The following PRKG1 variants were observed in gnomAD, a reference collection of about 807,000 sequenced individuals.
The protein encoded by PRKG1 is protein kinase cGMP-dependent 1, also known as cGMP-dependent protein kinase 1.
Under a neutral mutation model 88.1 loss-of-function variants are expected in PRKG1, and 35 were observed. The ratio of observed to expected loss-of-function variants is 0.40; its 90% CI spans 0.30 to 0.53. The LOEUF is 0.53. PRKG1 is among the 20% of genes least tolerant of loss of function. The pLI is 0.59. For synonymous variants in PRKG1, 303 were observed against 292.5 expected (o/e 1.04, Z -0.37); for missense variants, 540 against 839.8 (o/e 0.64, Z 4.41).
intron 5 of PRKG1, among the ~76,000 whole-genome samples, chr10:52,048,999 T>C (rs1845926189): frequency 6.6e-6 from 1 of 152,068 alleles, no homozygotes; most frequent in Non-Finnish European, 1.5e-5. Context: ...GAGTCACAGA[T>C]AGCAAGCAAA....
At chr10:51,154,921 A>G (rs1446558640) in intron 2 of PRKG1, among the ~76,000 whole-genome samples, 1 of 152,064 alleles carries the variant, frequency 6.6e-6, no homozygotes, top group Non-Finnish European at 1.5e-5. Context: ...GAGGTCAAGT[A>G]TAGAATATAA....
intron 2 of PRKG1, among the ~76,000 whole-genome samples, chr10:51,192,618 A>G (rs913243267): frequency 2.0e-5 from 3 of 152,026 alleles, no homozygotes; most frequent in Non-Finnish European, 4.4e-5. Context: ...TTTTATTGCA[A>G]TAAAAGAAAA....
chr10:51,979,410 GT>G (rs61150252), intron 5 of PRKG1, among the ~76,000 whole-genome samples: 48 of 47,054 alleles, frequency 1.0e-3, no homozygotes, highest in African/African-American at 3.9e-3. Context: ...ATATTGGTCT[GT>G]TTTTTTTTTT....
rs1346734616 is a variant in PRKG1, at chr10:51,577,554, A to C, written c.592+109718A>C. Among the ~76,000 whole-genome samples, 5 of 152,070 alleles carry C rather than the reference A, an allele frequency of 3.3e-5. No individual in the cohort carries two copies. The East Asian group carries it at 7.7e-4, about 23-fold the overall frequency. On this transcript the variant is annotated intron_variant, in intron 3 of 17. Transcript: ENST00000373980. ...CAGTATTGAAATTGCATCATGATAG[A>C]GGATCTAGATAAGTAGTTTTGAATA...
At chr10:51,390,679 A>G (rs1837372279) in intron 2 of PRKG1, among the ~76,000 whole-genome samples, 1 of 152,216 alleles carries the variant, frequency 6.6e-6, no homozygotes, top group Admixed American at 6.5e-5. Context: ...CTTCTTCCTT[A>G]TAACAACAGG....
chr10:51,264,888 A>T (rs1172417295), intron 2 of PRKG1, among the ~76,000 whole-genome samples: 1 of 152,170 alleles, frequency 6.6e-6, no homozygotes, highest in Non-Finnish European at 1.5e-5. Flanking sequence ...ATGTCTTAAA[A>T]TTATTTTCAG....
chr10:51,990,018 A>T (rs1195718302), intron 5 of PRKG1, among the ~76,000 whole-genome samples: 1 of 152,030 alleles, frequency 6.6e-6, no homozygotes, highest in African/African-American at 2.4e-5. Context: ...GTGTGAGAAT[A>T]GGGTCTAATT....
At chr10:52,067,234 C>A (rs1355140851) in intron 7 of PRKG1, among the ~76,000 whole-genome samples, 1 of 152,176 alleles carries the variant, frequency 6.6e-6, no homozygotes, top group Non-Finnish European at 1.5e-5. Flanking sequence ...GTAGAGCCAG[C>A]ATTCTCTGTA....
chr10:51,841,704 A>G (rs567408427), intron 4 of PRKG1, among the ~76,000 whole-genome samples: 3 of 151,962 alleles, frequency 2.0e-5, no homozygotes, highest in African/African-American at 7.2e-5. Context: ...CATTTTTGAT[A>G]CAGAGTCTCG....
intron 2 of PRKG1, among the ~76,000 whole-genome samples, chr10:51,263,822 A>G (rs1042883673): frequency 1.3e-5 from 2 of 152,210 alleles, no homozygotes; most frequent in African/African-American, 4.8e-5. Context: ...TAGAGTTGAA[A>G]GAGAAGAGTT....
At chr10:52,175,302 CACAA>C (rs1352220907) in intron 9 of PRKG1, among the ~76,000 whole-genome samples, 1 of 151,958 alleles carries the variant, frequency 6.6e-6, no homozygotes, top group Non-Finnish European at 1.5e-5. Flanking sequence ...TCTATATCGC[CACAA>C]ACAACAGAAT....
intron 2 of PRKG1, among the ~76,000 whole-genome samples, chr10:51,421,957 A>G (rs1838428051): frequency 6.6e-6 from 1 of 152,196 alleles, no homozygotes; most frequent in Admixed American, 6.5e-5. Flanking sequence ...TGGAGATTGG[A>G]CCAAATGTCT....
At chr10:51,586,727 T>C (rs1838183271) in intron 3 of PRKG1, among the ~76,000 whole-genome samples, 3 of 152,138 alleles carry the variant, frequency 2.0e-5, no homozygotes, top group Admixed American at 1.3e-4. Context: ...CTGTGCTATT[T>C]TTCCTACTGT....
At chr10:51,145,163 G>A (rs1045752204) in intron 1 of PRKG1, among the ~76,000 whole-genome samples, 1 of 152,100 alleles carries the variant, frequency 6.6e-6, no homozygotes, top group Non-Finnish European at 1.5e-5. Context: ...GTAACATCAT[G>A]GCACTCAATG....
intron 3 of PRKG1, among the ~76,000 whole-genome samples, chr10:51,711,383 C>T (rs1380316126): frequency 1.3e-5 from 2 of 151,046 alleles, no homozygotes; most frequent in South Asian, 2.1e-4. Flanking sequence ...GGATTACAGG[C>T]GTGAGCCACT....
chr10:52,070,375 T>G (rs567288897), intron 7 of PRKG1, among the ~76,000 whole-genome samples: 1 of 152,250 alleles, frequency 6.6e-6, no homozygotes, highest in Non-Finnish European at 1.5e-5. Context: ...GCCAGTCAAA[T>G]CACCATTCCT....
intron 1 of PRKG1, among the ~76,000 whole-genome samples, chr10:51,118,779 A>G (rs1306817414): frequency 6.6e-6 from 1 of 152,156 alleles, no homozygotes; most frequent in Non-Finnish European, 1.5e-5. Context: ...TTTAATTTAC[A>G]GTAAATGACT....
chr10:51,138,684 T>G lies in PRKG1; in HGVS notation c.312-14480T>G, dbSNP rs1190400373. ...TTGGACATTGAGTTTTGTTTTTTTT[T>G]TTTTTTTTTTTTTTTTTGAGACAGA... On this transcript the variant is annotated intron_variant, in intron 1 of 17. Coordinates refer to ENST00000373980, the MANE Select transcript of PRKG1 (RefSeq NM_006258.4). Among the ~76,000 whole-genome samples, 9 of 128,096 alleles carry G rather than the reference T, an allele frequency of 7.0e-5. 1 individual carries two copies. The South Asian group carries it at 1.2e-3, about 17-fold the overall frequency. 84.0% of individuals were successfully genotyped at this position (128,096 alleles called of 152,430 possible). A position where few individuals can be genotyped will look rare whatever the true frequency, so the allele number is the denominator to read the frequency against.
rs1162967440 is a variant in PRKG1, at chr10:51,169,057, C to G, written c.478+15727C>G. On this transcript the variant is annotated intron_variant, in intron 2 of 17. Coordinates refer to ENST00000373980, the MANE Select transcript of PRKG1 (RefSeq NM_006258.4). ...TTTTTTTGTAGTTAGACTTACAGTT[C>G]TAAAGGAATAAAGGAAAACAGATAT... 3.3e-5 allele frequency among the ~76,000 whole-genome samples: 5 copies of G among 152,064 alleles called. No homozygotes were observed. In the East Asian group the frequency reaches 9.6e-4, roughly 29 times the overall value.
Sources: gnomAD v4.1 joint callset for allele counts (sites outside exome capture counted in the v4.1 genomes callset) on GRCh38, gnomAD v4.1.1 for gene constraint, MANE v1.5 for transcripts, NCBI Gene and HGNC (gene_info 2026-07-23, HGNC 2026-07-21) for gene names.